Variants in CSMD1 observed in about 807,000 individuals in gnomAD.
CSMD1 encodes CUB and Sushi multiple domains 1, also known as CUB and sushi domain-containing protein 1.
Under a neutral mutation model 417.5 loss-of-function variants are expected in CSMD1, and 213 were observed. The observed-to-expected ratio is 0.51, with a 90% CI of 0.46 to 0.57. CSMD1 has a LOEUF of 0.57. CSMD1 is among the 20% of genes least tolerant of loss of function. The pLI is 0.00. For synonymous variants in CSMD1, 2,862 were observed against 1,736.8 expected (o/e 1.65, Z -16.11); for missense variants, 6,923 against 4,529.7 (o/e 1.53, Z -15.17).
chr8:4,656,336 G>A (rs892187107), intron 1 of CSMD1, among the ~76,000 whole-genome samples: 1 of 151,964 alleles, frequency 6.6e-6, no homozygotes, highest in Non-Finnish European at 1.5e-5. Context: ...GGGTAGAGAA[G>A]GTCAGACCAG....
At chr8:4,484,588 A>T (rs966335132) in intron 2 of CSMD1, among the ~76,000 whole-genome samples, 2 of 152,114 alleles carry the variant, frequency 1.3e-5, no homozygotes, top group African/African-American at 4.8e-5. Flanking sequence ...TCTCTCAGGT[A>T]TCAACTTGGA....
chr8:3,573,474 G>C (rs1039296123), intron 10 of CSMD1, among the ~76,000 whole-genome samples: 6 of 152,160 alleles, frequency 3.9e-5, no homozygotes, highest in African/African-American at 9.7e-5. Flanking sequence ...ACAGCAAAGA[G>C]AGCCCAGAAA....
intron 7 of CSMD1, among the ~76,000 whole-genome samples, chr8:3,642,640 ACG>A (rs1183030749): frequency 2.0e-5 from 3 of 152,208 alleles, no homozygotes; most frequent in African/African-American, 7.2e-5. Context: ...AGGCAGGTTA[ACG>A]GACGGTCGAT....
At chr8:3,184,136 A>G (rs1280724472) in intron 36 of CSMD1, among the ~76,000 whole-genome samples, 1 of 152,078 alleles carries the variant, frequency 6.6e-6, no homozygotes, top group African/African-American at 2.4e-5. Flanking sequence ...CTTGTTTTTC[A>G]GAATCATTTT....
At chr8:3,244,452 G>A (rs1161229403) in intron 26 of CSMD1, among the ~76,000 whole-genome samples, 2 of 152,088 alleles carry the variant, frequency 1.3e-5, no homozygotes, top group Non-Finnish European at 2.9e-5. Flanking sequence ...GGTGGAGCAG[G>A]GTTAGTTTGC....
intron 10 of CSMD1, among the ~76,000 whole-genome samples, chr8:3,539,161 C>A (rs555983736): frequency 6.6e-6 from 1 of 152,156 alleles, no homozygotes; most frequent in Non-Finnish European, 1.5e-5. Flanking sequence ...CCAAGATGTT[C>A]TGGCCGCAGG....
chr8:3,794,589 T>C (rs1799937089), intron 5 of CSMD1, among the ~76,000 whole-genome samples: 1 of 148,884 alleles, frequency 6.7e-6, no homozygotes, highest in South Asian at 2.2e-4. Flanking sequence ...GGTTTATTTT[T>C]CCATTTTTTT....
chr8:3,237,482 C>T (rs143658678), intron 26 of CSMD1, among the ~76,000 whole-genome samples: 1,784 of 148,808 alleles, frequency 0.012, 90 homozygotes, highest in Admixed American at 0.088. Flanking sequence ...AAAACCACAA[C>T]TTTGCATATA....
intron 8 of CSMD1, among the ~76,000 whole-genome samples, chr8:3,615,834 C>T (rs987471940): frequency 2.0e-5 from 3 of 152,078 alleles, no homozygotes; most frequent in Non-Finnish European, 4.4e-5. Context: ...TTTTATTTTA[C>T]AGCTGCTTCT....
At chr8:4,166,139 AC>A (rs1797442949) in intron 3 of CSMD1, among the ~76,000 whole-genome samples, 1 of 152,166 alleles carries the variant, frequency 6.6e-6, no homozygotes, top group Non-Finnish European at 1.5e-5. Flanking sequence ...CATAATGTGA[AC>A]CCCATAACAT....
Position 4,387,570 on chromosome 8 carries a change from C to CAAAAAAAAAAAAAAAAAAAAAAAAAAAA in CSMD1, c.415+32382_415+32383insTTTTTTTTTTTTTTTTTTTTTTTTTTTT, listed in dbSNP as rs540419006. On this transcript the variant is annotated intron_variant, in intron 3 of 69. Coordinates refer to ENST00000635120, the MANE Select transcript of CSMD1 (RefSeq NM_033225.6). ...GAAGAGATGCATAAATCCAAACTGG[C>CAAAAAAAAAAAAAAAAAAAAAAAAAAAA]AAAAAAAAAAAAAAAAAAAAAAGAG... 5.1e-4 allele frequency among the ~76,000 whole-genome samples: 19 copies of CAAAAAAAAAAAAAAAAAAAAAAAAAAAA among 37,226 alleles called. 4 individuals carry two copies. The highest frequency in any genetic ancestry group is 1.2e-3 in the Admixed American group (3 of 2,482). The allele number at this position is 37,226 out of a possible 152,430, so 24.4% of individuals were successfully genotyped here. A position where few individuals can be genotyped will look rare whatever the true frequency, so the allele number is the denominator to read the frequency against.
intron 3 of CSMD1, among the ~76,000 whole-genome samples, chr8:4,047,260 C>T (rs1300916404): frequency 1.3e-5 from 2 of 151,858 alleles, no homozygotes; most frequent in East Asian, 1.9e-4. Context: ...GTGGTAGGCA[C>T]ATGTATTCTG....
At chr8:3,100,873 C>T (rs1208832993) in intron 46 of CSMD1, among the ~76,000 whole-genome samples, 1 of 151,906 alleles carries the variant, frequency 6.6e-6, no homozygotes, top group Non-Finnish European at 1.5e-5. Context: ...GAAGGTGAGC[C>T]CTCTGTGAAC....
At chr8:3,571,951 G>T (rs931609716) in intron 10 of CSMD1, among the ~76,000 whole-genome samples, 1 of 152,094 alleles carries the variant, frequency 6.6e-6, no homozygotes, top group Non-Finnish European at 1.5e-5. Flanking sequence ...GTTCAAGTTC[G>T]TCTCCTCGTG....
chr8:4,199,603 C>A (rs1391452519), intron 3 of CSMD1, among the ~76,000 whole-genome samples: 2 of 152,186 alleles, frequency 1.3e-5, no homozygotes, highest in African/African-American at 4.8e-5. Flanking sequence ...TTTGATTCCT[C>A]CTCAACGCCT....
chr8:4,253,790 T>C (rs894789157), intron 3 of CSMD1, among the ~76,000 whole-genome samples: 8 of 152,042 alleles, frequency 5.3e-5, no homozygotes, highest in South Asian at 2.1e-4. Flanking sequence ...ATTTTGCCTG[T>C]ATTTATGTGA....
intron 26 of CSMD1, among the ~76,000 whole-genome samples, chr8:3,257,788 A>T (rs1037417768): frequency 2.0e-5 from 3 of 151,570 alleles, no homozygotes; most frequent in Non-Finnish European, 2.9e-5. Flanking sequence ...CTTCCAAGGG[A>T]GGTGTGAGGG....
chr8:3,263,789 C>G (rs923831923), intron 26 of CSMD1, among the ~76,000 whole-genome samples: 1 of 152,142 alleles, frequency 6.6e-6, no homozygotes, highest in Non-Finnish European at 1.5e-5. Flanking sequence ...TGTGACTTCT[C>G]TGACACAAAG....
chr8:4,692,546 C>CA, intron 1 of CSMD1, among the ~76,000 whole-genome samples: 1 of 152,094 alleles, frequency 6.6e-6, no homozygotes, highest in Non-Finnish European at 1.5e-5. Flanking sequence ...GGAGCAGCCA[C>CA]ATGAAGAGGG....
Sources: allele counts gnomAD v4.1 joint callset (sites outside exome capture counted in the v4.1 genomes callset), GRCh38; gene constraint gnomAD v4.1.1; transcripts MANE v1.5; gene names NCBI Gene and HGNC (gene_info 2026-07-23, HGNC 2026-07-21).